Variants in AFF1 observed in about 807,000 individuals in gnomAD.
AFF1 encodes AF4/FMR2 family member 1.
Under a neutral mutation model 121.7 loss-of-function variants are expected in AFF1, and 48 were observed. That is an observed-to-expected ratio of 0.39 (90% confidence interval 0.31 to 0.50). The LOEUF is 0.50. Ranked by LOEUF, AFF1 falls within the 20% of genes least tolerant of loss-of-function variation. The probability of loss-of-function intolerance (pLI) is 0.76; values close to 1 mark genes in which losing one functional copy is unlikely to be tolerated. For missense variants in AFF1, 1,523 were observed against 1,511.7 expected (o/e 1.01, Z -0.12); for synonymous variants, 613 against 563.0 (o/e 1.09, Z -1.26).
At chr4:87,075,419 G>A (rs1377073581) in intron 4 of AFF1, among the ~76,000 whole-genome samples, 1 of 151,908 alleles carries the variant, frequency 6.6e-6, no homozygotes, top group South Asian at 2.1e-4. Flanking sequence ...CTATCTACAC[G>A]ATATATTAGG....
chr4:86,965,725 A>C (rs1722490733), intron 2 of AFF1, among the ~76,000 whole-genome samples: 1 of 152,168 alleles, frequency 6.6e-6, no homozygotes, highest in Non-Finnish European at 1.5e-5. Context: ...ATTGCAGCCC[A>C]TGGGTATTTG....
chr4:87,117,375 AC>A (rs144134040), intron 12 of AFF1, among the ~76,000 whole-genome samples: 2,236 of 152,332 alleles, frequency 0.015, 54 homozygotes, highest in African/African-American at 0.051. Context: ...GGCCTGGGGA[AC>A]AGTCTGCCTC....
rs557977152 is a variant in AFF1, at chr4:86,961,664, A to C, written c.38+13093A>C. Among the ~76,000 whole-genome samples, 676 of 151,494 alleles carry C rather than the reference A, an allele frequency of 4.5e-3. 6 individuals are homozygous for C. Among genetic ancestry groups the C allele is most frequent in the Admixed American group, 7.4e-3 (112 of 15,178 alleles). ...AAAGATGAAAAGATTAGTTACCCAA[A>C]AAAAAAAAAATTAAGGAATGGAGGT... On this transcript the variant is annotated intron_variant, in intron 2 of 20. Transcript: ENST00000395146.
chr4:87,062,532 T>C (rs1720888890), intron 4 of AFF1, among the ~76,000 whole-genome samples: 2 of 152,174 alleles, frequency 1.3e-5, no homozygotes, highest in South Asian at 4.1e-4. Context: ...GTAAAATATA[T>C]GTTTTTTTTC....
Position 87,130,933 on chromosome 4 carries a change from G to T in AFF1, c.2965-150G>T. The T allele has an allele frequency of 3.8e-6, 4 of 1,055,782 alleles. No individual in the cohort carries two copies. The South Asian group carries it at 6.3e-5, about 17-fold the overall frequency. The allele number at this position is 1,055,782 out of a possible 1,614,324, so 65.4% of individuals were successfully genotyped here. ...CAGCAGGTCATAGCTGACAGGCTTT[G>T]GTTATCATTTTTAGTTCATTCATCC... On this transcript the variant is annotated intron_variant, in intron 16 of 20. Transcript: ENST00000395146.
rs114929483 is a variant in AFF1, at chr4:87,125,090, C to T, written c.2520C>T (p.Ile840=). Residue 840 remains isoleucine (I), a synonymous_variant, in exon 13 of 21, where the codon ATC becomes ATT. Coordinates refer to ENST00000395146, the MANE Select transcript of AFF1 (RefSeq NM_001166693.3). ...AGAAAATCAGACTGGAGAAGGAAAT[C>T]AAATCACAGTCATCTTCATCTTCAT... ...DNKKIRLEKE[I]KSQSSSSSSS... is the part of the protein sequence containing the mutation. 1 of 1,610,216 alleles carries T rather than the reference C, an allele frequency of 6.2e-7. No homozygotes were observed.
intron 2 of AFF1, among the ~76,000 whole-genome samples, chr4:86,953,067 T>TTCC (rs1371691337): frequency 6.6e-6 from 1 of 151,978 alleles, no homozygotes; most frequent in Non-Finnish European, 1.5e-5. Context: ...ATATTTTTTT[T>TTCC]GTTTTGCTAG....
intron 2 of AFF1, among the ~76,000 whole-genome samples, chr4:86,995,598 T>G (rs1725087542): frequency 6.6e-6 from 1 of 150,632 alleles, no homozygotes; most frequent in African/African-American, 2.5e-5. Flanking sequence ...GCAGACGGAG[T>G]CTCCTTCACT....
intron 8 of AFF1, among the ~76,000 whole-genome samples, chr4:87,096,223 A>G (rs1017103893): frequency 2.0e-5 from 3 of 151,498 alleles, no homozygotes; most frequent in Non-Finnish European, 4.4e-5. Context: ...TGATACTGGT[A>G]GATGATGAGG....
At chr4:87,133,593 C>T (rs1202578906) in intron 19 of AFF1, among the ~76,000 whole-genome samples, 6 of 152,196 alleles carry the variant, frequency 3.9e-5, no homozygotes, top group Admixed American at 3.9e-4. Flanking sequence ...ATATACTGAG[C>T]ACCTTCTTCA....
intron 2 of AFF1, among the ~76,000 whole-genome samples, chr4:86,984,599 A>C (rs903183644): frequency 8.5e-5 from 13 of 152,158 alleles, no homozygotes; most frequent in Non-Finnish European, 1.6e-4. Context: ...CTAGGATTAC[A>C]GGCATGAGCC....
rs149690083 is a variant in AFF1, at chr4:87,082,518, A to G, written c.1060-1602A>G. On this transcript the variant is annotated intron_variant, in intron 4 of 20. Transcript: ENST00000395146. ...TTTACATGTTTTAAAAACAGACTGC[A>G]TCTGAATTTTTTTTTAATTTTTAAA... Among the ~76,000 whole-genome samples, 21 of 152,208 alleles carry G rather than the reference A, an allele frequency of 1.4e-4. No individual in the cohort carries two copies. The East Asian group carries it at 3.9e-3, about 28-fold the overall frequency.
intron 2 of AFF1, among the ~76,000 whole-genome samples, chr4:87,011,238 A>G (rs1726726312): frequency 6.6e-6 from 1 of 152,122 alleles, no homozygotes; most frequent in South Asian, 2.1e-4. Context: ...GAGCTTCTCA[A>G]AAGAAAGGAT....
intron 4 of AFF1, among the ~76,000 whole-genome samples, chr4:87,073,966 CGT>C (rs891954103): frequency 1.3e-5 from 2 of 151,532 alleles, no homozygotes; most frequent in Non-Finnish European, 2.9e-5. Flanking sequence ...GTAGAGTGCT[CGT>C]GTGTGTGTGC....
At chr4:87,100,761 T>C (rs1392878103) in intron 8 of AFF1, among the ~76,000 whole-genome samples, 1 of 152,210 alleles carries the variant, frequency 6.6e-6, no homozygotes, top group African/African-American at 2.4e-5. Flanking sequence ...TTAATAGACA[T>C]GGTTTAGAGT....
intron 4 of AFF1, among the ~76,000 whole-genome samples, chr4:87,072,326 G>A (rs1722159635): frequency 1.4e-5 from 2 of 139,452 alleles, no homozygotes; most frequent in African/African-American, 2.7e-5. Context: ...TCACACCACT[G>A]CACTCCAGCC....
At chr4:87,011,382 A>G (rs1726742278) in intron 2 of AFF1, among the ~76,000 whole-genome samples, 1 of 152,208 alleles carries the variant, frequency 6.6e-6, no homozygotes, top group African/African-American at 2.4e-5. Flanking sequence ...CAAGATTTAT[A>G]TGAAGCTGGT....
At chr4:87,053,570 C>T (rs942080164) in intron 4 of AFF1, among the ~76,000 whole-genome samples, 1 of 152,174 alleles carries the variant, frequency 6.6e-6, no homozygotes, top group African/African-American at 2.4e-5. Context: ...CTGGATATGC[C>T]GATGGTGCAC....
At chr4:87,115,467 T>C (rs966786708) in intron 12 of AFF1, among the ~76,000 whole-genome samples, 168 bp downstream of exon 12, 3 of 152,150 alleles carry the variant, frequency 2.0e-5, no homozygotes, top group African/African-American at 7.2e-5. Context: ...GTCTGGACTT[T>C]GCTTCTCATT....
Sources: gnomAD v4.1 joint callset for allele counts (sites outside exome capture counted in the v4.1 genomes callset) on GRCh38, gnomAD v4.1.1 for gene constraint, MANE v1.5 for transcripts, NCBI Gene and HGNC (gene_info 2026-07-23, HGNC 2026-07-21) for gene names.